The following RPS6KC1 variants were observed in gnomAD, a reference collection of about 807,000 sequenced individuals.
RPS6KC1 encodes ribosomal protein S6 kinase C1.
In RPS6KC1, 54 loss-of-function variants were observed where a neutral mutation model predicts 103.8. The ratio of observed to expected loss-of-function variants is 0.52; its 90% confidence interval spans 0.42 to 0.65. RPS6KC1 has a LOEUF of 0.65. Ranked by LOEUF, RPS6KC1 falls within the 30% of genes least tolerant of loss-of-function variation. The pLI is 0.00. For synonymous variants in RPS6KC1, 439 were observed against 438.7 expected (o/e 1.00, Z -0.01); for missense variants, 1,151 against 1,253.8 (o/e 0.92, Z 1.24).
At chr1:213,204,028 A>G (rs2093260224) in intron 8 of RPS6KC1, among the ~76,000 whole-genome samples, 1 of 152,164 alleles carries the variant, frequency 6.6e-6, no homozygotes, top group Non-Finnish European at 1.5e-5. Flanking sequence ...CTGATGGTCC[A>G]TGTCTGAATT....
chr1:213,574,231 A>G, the RPS6KC1 span, among the ~76,000 whole-genome samples: 8 of 152,180 alleles, frequency 5.3e-5, no homozygotes, highest in South Asian at 6.2e-4. Flanking sequence ...ATCTTCTCCA[A>G]TTCCTAAGGT....
downstream of RPS6KC1, among the ~76,000 whole-genome samples, chr1:213,275,622 G>A (rs982632301): frequency 6.6e-6 from 1 of 151,806 alleles, no homozygotes; most frequent in Admixed American, 6.6e-5. Context: ...ATATTTATGG[G>A]GTACAATGCG....
At chr1:213,431,564 G>A in the RPS6KC1 span, among the ~76,000 whole-genome samples, 2 of 151,838 alleles carry the variant, frequency 1.3e-5, no homozygotes, top group South Asian at 4.2e-4. Flanking sequence ...TATTCCATGA[G>A]CATTATGTTT....
the RPS6KC1 span, among the ~76,000 whole-genome samples, chr1:213,721,363 C>G: frequency 0.48 from 72,822 of 151,956 alleles, 17,797 homozygotes; most frequent in South Asian, 0.6. Flanking sequence ...TGAATCATGG[C>G]GGTGGTTTCC....
chr1:213,163,215 G>T (rs1160704448), intron 6 of RPS6KC1, among the ~76,000 whole-genome samples: 1 of 152,082 alleles, frequency 6.6e-6, no homozygotes. Flanking sequence ...AAAAAAGAAG[G>T]CAAAAAAGCA....
At chr1:213,359,961 C>T in the RPS6KC1 span, among the ~76,000 whole-genome samples, 1 of 152,138 alleles carries the variant, frequency 6.6e-6, no homozygotes, top group Non-Finnish European at 1.5e-5. Context: ...TGTGGGTAAC[C>T]CGACCTTTCT....
intron 8 of RPS6KC1, among the ~76,000 whole-genome samples, chr1:213,222,842 TTTG>T (rs1255480690): frequency 1.3e-5 from 2 of 152,172 alleles, no homozygotes; most frequent in African/African-American, 4.8e-5. Flanking sequence ...ATGCTCTAGG[TTTG>T]TTGTTCAAAT....
chr1:213,072,137 A>G (rs1383058146), intron 2 of RPS6KC1, among the ~76,000 whole-genome samples: 3 of 148,236 alleles, frequency 2.0e-5, no homozygotes, highest in Admixed American at 6.7e-5. Flanking sequence ...CTGCAACAGT[A>G]TTGTTTTTTT....
chr1:213,694,596 C>A, the RPS6KC1 span, among the ~76,000 whole-genome samples: 3 of 152,318 alleles, frequency 2.0e-5, no homozygotes, highest in African/African-American at 7.2e-5. Flanking sequence ...CCCACCTTAA[C>A]CTTTTCCATT....
At chr1:213,431,777 C>T in the RPS6KC1 span, among the ~76,000 whole-genome samples, 311 of 151,558 alleles carry the variant, frequency 2.1e-3, 1 homozygote, top group South Asian at 8.8e-3. Context: ...CATTCTTGTA[C>T]ATGTGTTTTA....
At chr1:213,648,462 C>G in the RPS6KC1 span, among the ~76,000 whole-genome samples, 1 of 152,174 alleles carries the variant, frequency 6.6e-6, no homozygotes, top group Admixed American at 6.5e-5. Context: ...GATGACCTAC[C>G]TGTGCCCCAG....
chr1:213,496,914 G>T, the RPS6KC1 span, among the ~76,000 whole-genome samples: 2 of 152,140 alleles, frequency 1.3e-5, no homozygotes, highest in Non-Finnish European at 2.9e-5. Flanking sequence ...CACCACAAGG[G>T]TTGCAAATGC....
At chr1:213,176,926 A>G (rs1304724973) in intron 8 of RPS6KC1, among the ~76,000 whole-genome samples, 4 of 152,186 alleles carry the variant, frequency 2.6e-5, no homozygotes, top group African/African-American at 7.2e-5. Flanking sequence ...TTTATATGAT[A>G]CAATCTTTCT....
the RPS6KC1 span, among the ~76,000 whole-genome samples, chr1:213,443,479 T>G: frequency 4.8e-3 from 729 of 152,260 alleles, 8 homozygotes; most frequent in African/African-American, 0.016. Flanking sequence ...TTTCTGTACA[T>G]TTTAGCCAGG....
At chr1:213,575,894 A>G in the RPS6KC1 span, among the ~76,000 whole-genome samples, 1 of 152,306 alleles carries the variant, frequency 6.6e-6, no homozygotes, top group Admixed American at 6.5e-5. Flanking sequence ...TTATGTCCTC[A>G]AATTCCCACT....
intron 3 of RPS6KC1, among the ~76,000 whole-genome samples, chr1:213,078,830 TAACTC>T (rs1247439440): frequency 3.3e-5 from 5 of 152,286 alleles, no homozygotes; most frequent in East Asian, 1.9e-4. Context: ...TATATGCAAA[TAACTC>T]AGGTGGTACA....
At chr1:213,625,400 T>C in the RPS6KC1 span, among the ~76,000 whole-genome samples, 1 of 150,332 alleles carries the variant, frequency 6.7e-6, no homozygotes, top group African/African-American at 2.5e-5. Flanking sequence ...AATTTGCTTT[T>C]GTTTCCCCAT....
the RPS6KC1 span, among the ~76,000 whole-genome samples, chr1:213,530,975 A>C: frequency 1.3e-5 from 2 of 152,240 alleles, no homozygotes; most frequent in East Asian, 1.9e-4. Flanking sequence ...CACTTAGATC[A>C]TGAGAATTCA....
chr1:213,372,520 G>C, the RPS6KC1 span, among the ~76,000 whole-genome samples: 1 of 152,162 alleles, frequency 6.6e-6, no homozygotes, highest in Non-Finnish European at 1.5e-5. Context: ...GCTTTTTTCT[G>C]TGTGAGTTCA....
Sources: allele counts gnomAD v4.1 joint callset (sites outside exome capture counted in the v4.1 genomes callset), GRCh38; gene constraint gnomAD v4.1.1; transcripts MANE v1.5; gene names NCBI Gene and HGNC (gene_info 2026-07-23, HGNC 2026-07-21).